DPP6: variants seen among roughly 807,000 people sequenced by gnomAD.
The protein encoded by DPP6 is A-type potassium channel modulatory protein DPP6.
A neutral mutation model predicts 122.6 loss-of-function variants in DPP6; 69 were observed. That is an observed-to-expected ratio of 0.56 (90% confidence interval 0.46 to 0.69). The LOEUF (loss-of-function observed/expected upper bound fraction) is 0.69. Ranked by LOEUF, DPP6 falls within the 30% of genes least tolerant of loss-of-function variation. DPP6 has a pLI of 0.00. For missense variants in DPP6, 928 were observed against 1,116.9 expected, an observed-to-expected ratio of 0.83 and a Z score of 2.41; for synonymous variants, 418 against 433.1, an observed-to-expected ratio of 0.97 and a Z score of 0.43.
At chr7:153,803,676 A>G in the DPP6 span, among the ~76,000 whole-genome samples, 9 of 151,074 alleles carry the variant, frequency 6.0e-5, no homozygotes, top group African/African-American at 1.7e-4. Context: ...ATATATGTGT[A>G]TATATATATG....
intron 1 of DPP6, among the ~76,000 whole-genome samples, chr7:154,150,218 C>T (rs889246803): frequency 6.6e-6 from 1 of 151,980 alleles, no homozygotes; most frequent in Non-Finnish European, 1.5e-5. Context: ...AAATTTAGTC[C>T]ATAAACAGGA....
Position 154,474,994 on chromosome 7 carries a change from T to C in DPP6, c.414T>C (p.Ser138=). 6.2e-7 allele frequency: 1 copy of C among 1,613,912 alleles called. No individual in the cohort carries two copies. Among genetic ancestry groups the C allele is most frequent in the South Asian group, 1.1e-5 (1 of 91,074 alleles). Residue 138 remains serine (S), a synonymous_variant, in exon 3 of 26, where the codon AGT becomes AGC. Transcript: ENST00000377770. ...AGGTCACTGTAGAAGATCTCTTCAG[T>C]GAAGACTTCAAAATTCATGACCCCG... The part of the protein sequence containing the change: ...KKKVTVEDLF[S]EDFKIHDPEA...
At chr7:154,447,651 T>G (rs1282700804) in intron 2 of DPP6, among the ~76,000 whole-genome samples, 1 of 152,066 alleles carries the variant, frequency 6.6e-6, no homozygotes, top group Non-Finnish European at 1.5e-5. Flanking sequence ...ATACCCCTTA[T>G]GAAAATAGAT....
intron 1 of DPP6, among the ~76,000 whole-genome samples, chr7:154,261,405 C>T (rs1181389602): frequency 6.6e-6 from 1 of 152,194 alleles, no homozygotes; most frequent in Non-Finnish European, 1.5e-5. Context: ...GGATCAAGGA[C>T]TTAAGTCTAA....
intron 1 of DPP6, among the ~76,000 whole-genome samples, chr7:154,143,505 G>A (rs988999507): frequency 2.0e-5 from 3 of 151,332 alleles, no homozygotes; most frequent in East Asian, 3.9e-4. Flanking sequence ...TAAATTACAG[G>A]TAAACAAACA....
chr7:154,877,265 A>G lies in DPP6; in HGVS notation c.2078+1165A>G, dbSNP rs974962329. 6.6e-6 allele frequency: 1 copy of G among 152,152 alleles called. No homozygotes were observed. Among genetic ancestry groups the G allele is most frequent in the Non-Finnish European group, 1.5e-5 (1 of 68,050 alleles). 9.4% of individuals were successfully genotyped at this position (152,152 alleles called of 1,614,324 possible). A position where few individuals can be genotyped will look rare whatever the true frequency, so the allele number is the denominator to read the frequency against. ...GCTATGAGCTGGGTGATGGCAGACA[A>G]AGCAATTGCTTCAGAAACCCGTGTT... On this transcript the variant is annotated intron_variant, in intron 20 of 25. Coordinates refer to ENST00000377770, the MANE Select transcript of DPP6 (RefSeq NM_130797.4). The surrounding 1 kb of genome is among the most constrained non-coding windows in gnomAD (Gnocchi z 5.2).
Position 154,704,390 on chromosome 7 carries a change from A to G in DPP6, c.763-23377A>G, listed in dbSNP as rs80160223. 8.5e-3 allele frequency among the ~76,000 whole-genome samples: 1,299 copies of G among 152,358 alleles called. 23 individuals carry two copies. The highest frequency in any genetic ancestry group is 0.043 in the Admixed American group (663 of 15,304). On this transcript the variant is annotated intron_variant, in intron 7 of 25. Transcript: ENST00000377770. ...GACAACAGAGGATTTAGAATATTCCATAAACATAGTTGAGAAAGAAGCAGC... is the reference window on the plus strand; with the variant it reads ...GACAACAGAGGATTTAGAATATTCCGTAAACATAGTTGAGAAAGAAGCAGC...
the DPP6 span, among the ~76,000 whole-genome samples, chr7:153,757,425 A>G: frequency 6.6e-6 from 1 of 152,206 alleles, no homozygotes; most frequent in Non-Finnish European, 1.5e-5. Flanking sequence ...GAAACTTCTT[A>G]ACTGTGTGAC....
At position 154,821,702 on chromosome 7, in the gene DPP6, A is replaced by G. The variant is rs1016202647; in HGVS notation, c.1666+14590A>G. Reference sequence around the variant, plus strand: ...TACACACACATATATATATACACACACACATATATATATACAGAAAAAACA... The same window carrying G: ...TACACACACATATATATATACACACGCACATATATATATACAGAAAAAACA... On this transcript the variant is annotated intron_variant, in intron 16 of 25. Transcript: ENST00000377770. This position sits in a 1 kb window ranked among gnomAD's most constrained non-coding sequence, Gnocchi z 4.2. 2.3e-4 allele frequency among the ~76,000 whole-genome samples: 35 copies of G among 149,724 alleles called. No individual in the cohort carries two copies. Among genetic ancestry groups the G allele is most frequent in the African/African-American group, 6.8e-4 (28 of 40,940 alleles).
chr7:153,807,602 C>G, the DPP6 span, among the ~76,000 whole-genome samples: 27 of 152,086 alleles, frequency 1.8e-4, no homozygotes, highest in African/African-American at 5.1e-4. Flanking sequence ...AAGTTTACAA[C>G]AAAGGAAATG....
intron 2 of DPP6, among the ~76,000 whole-genome samples, chr7:154,473,366 G>A (rs1216878689): frequency 3.3e-5 from 5 of 152,234 alleles, no homozygotes; most frequent in East Asian, 1.9e-4. Context: ...TATGTTCAGC[G>A]CCCGGGATAG....
At chr7:154,205,490 A>G (rs1272272851) in intron 1 of DPP6, among the ~76,000 whole-genome samples, 2 of 152,176 alleles carry the variant, frequency 1.3e-5, no homozygotes, top group East Asian at 1.9e-4. Flanking sequence ...TCTGGGGATC[A>G]TGTATATACA....
intron 1 of DPP6, among the ~76,000 whole-genome samples, chr7:154,183,665 A>G (rs1464324752): frequency 6.6e-6 from 1 of 152,146 alleles, no homozygotes; most frequent in African/African-American, 2.4e-5. Flanking sequence ...ATCAGGTTCT[A>G]AGATCTGCCT....
At chr7:153,822,758 T>C in the DPP6 span, among the ~76,000 whole-genome samples, 433 of 152,358 alleles carry the variant, frequency 2.8e-3, 3 homozygotes, top group African/African-American at 9.9e-3. Flanking sequence ...TTAGCTGATC[T>C]AACAAAACAT....
In DPP6 at chr7:154,660,672, A is replaced by G. The variant is rs12670844; in HGVS notation, c.681-8688A>G. Among the ~76,000 whole-genome samples, 80 of 102,508 alleles carry G rather than the reference A, an allele frequency of 7.8e-4. 1 individual carries two copies. Among genetic ancestry groups the G allele is most frequent in the East Asian group, 2.7e-3 (7 of 2,580 alleles). The allele number at this position is 102,508 out of a possible 152,430, so 67.2% of individuals were successfully genotyped here. On this transcript the variant is annotated intron_variant, in intron 6 of 25. Transcript: ENST00000377770. ...ATCACCATGGCGTATTGGCCGTAGT[A>G]TTCATATAGTCATGGTGAATCACCA...
the DPP6 span, among the ~76,000 whole-genome samples, chr7:153,873,475 C>T: frequency 7.2e-5 from 11 of 152,154 alleles, no homozygotes. Context: ...CCTTATAATG[C>T]CTAAAATCTA....
intron 1 of DPP6, among the ~76,000 whole-genome samples, chr7:154,302,394 A>G (rs1261765538): frequency 2.6e-5 from 4 of 152,230 alleles, no homozygotes; most frequent in Non-Finnish European, 5.9e-5. Flanking sequence ...GCCAAAGTCA[A>G]GTATGTAAAA....
chr7:154,674,560 C>A (rs1213510502), intron 7 of DPP6, among the ~76,000 whole-genome samples: 1 of 152,160 alleles, frequency 6.6e-6, no homozygotes, highest in Non-Finnish European at 1.5e-5. Flanking sequence ...GAATTCAAAG[C>A]CGGAATCTTT....
intron 18 of DPP6, among the ~76,000 whole-genome samples, chr7:154,869,970 A>G (rs2177478): frequency 0.6 from 90,438 of 150,638 alleles, 28,016 homozygotes; most frequent in African/African-American, 0.77. Context: ...CTAGGAGAAA[A>G]AGAATAATTT....
Sources: allele counts gnomAD v4.1 joint callset (sites outside exome capture counted in the v4.1 genomes callset), GRCh38; gene constraint gnomAD v4.1.1; non-coding constraint Gnocchi (gnomAD v3.1); transcripts MANE v1.5; gene names NCBI Gene and HGNC (gene_info 2026-07-23, HGNC 2026-07-21).